Variants in MDGA2 observed in about 807,000 individuals in gnomAD.
MDGA2 encodes MAM domain-containing glycosylphosphatidylinositol anchor protein 2.
A neutral mutation model predicts 117.8 loss-of-function variants in MDGA2; 40 were observed. The ratio of observed to expected loss-of-function variants is 0.34; its 90% CI spans 0.26 to 0.44. The LOEUF is 0.44. MDGA2 is among the 20% of genes least tolerant of loss of function. The pLI, the probability that MDGA2 is intolerant of heterozygous loss-of-function variation, is 1.00. For missense variants in MDGA2, 1,123 were observed against 1,250.6 expected, an observed-to-expected ratio of 0.90 and a Z score of 1.54; for synonymous variants, 452 against 439.0, an observed-to-expected ratio of 1.03 and a Z score of -0.37.
intron 5 of MDGA2, among the ~76,000 whole-genome samples, chr14:47,128,782 C>T (rs1212241727): frequency 6.6e-6 from 1 of 151,492 alleles, no homozygotes; most frequent in Non-Finnish European, 1.5e-5. Context: ...GCAACCTCCA[C>T]CTCCTGAGTT....
At chr14:46,882,373 C>G (rs1339308488) in intron 10 of MDGA2, 152 bp from the exon 11 acceptor site, 2 of 632,312 alleles carry the variant, frequency 3.2e-6, no homozygotes, top group Non-Finnish European at 2.5e-6. Flanking sequence ...TAATGATAAA[C>G]AAATTTTGAG....
intron 14 of MDGA2, among the ~76,000 whole-genome samples, chr14:46,859,130 A>C (rs1056537233): frequency 6.6e-6 from 1 of 152,078 alleles, no homozygotes; most frequent in African/African-American, 2.4e-5. Context: ...GCTGTTTTGG[A>C]GAATGTCTAG....
chr14:46,870,726 T>G (rs1230984274), intron 14 of MDGA2, among the ~76,000 whole-genome samples: 1 of 151,828 alleles, frequency 6.6e-6, no homozygotes, highest in Non-Finnish European at 1.5e-5. Flanking sequence ...TTTTCCCTCA[T>G]CCCAAAATAA....
chr14:47,656,288 T>A (rs1416423486), intron 1 of MDGA2, among the ~76,000 whole-genome samples: 1 of 152,182 alleles, frequency 6.6e-6, no homozygotes, highest in East Asian at 1.9e-4. Flanking sequence ...ACATCTTTCC[T>A]ATTGCACTGC....
intron 1 of MDGA2, among the ~76,000 whole-genome samples, chr14:47,605,110 G>GC (rs770192327): frequency 7.9e-5 from 12 of 151,732 alleles, no homozygotes; most frequent in South Asian, 2.1e-4. Context: ...AGTTTAAAAT[G>GC]CCCTGTGCTA....
In MDGA2 at chr14:47,573,833, T is replaced by C. The variant is rs568514226; in HGVS notation, c.280+100684A>G. On this transcript the variant is annotated intron_variant, in intron 1 of 16. Coordinates refer to ENST00000399232, the MANE Select transcript of MDGA2 (RefSeq NM_001113498.3). ...GCATTTGTTAACCTTATTTTAAAAA[T>C]TAAGAAGTGATTTCATTGTAGAATG... 3.3e-5 allele frequency among the ~76,000 whole-genome samples: 5 copies of C among 152,208 alleles called. No homozygotes were observed. In the East Asian group the frequency reaches 9.7e-4, roughly 29 times the overall value.
In MDGA2 at chr14:47,674,756, C is replaced by CG; in HGVS notation, c.40dup (p.Arg14ProfsTer95). 1.4e-6 allele frequency: 1 copy of CG among 715,186 alleles called. No individual in the cohort carries two copies. Among genetic ancestry groups the CG allele is most frequent in the South Asian group, 1.5e-5 (1 of 66,942 alleles). 44.3% of individuals were successfully genotyped at this position (715,186 alleles called of 1,614,324 possible). On this transcript the variant is annotated frameshift_variant, in exon 1 of 17. Transcript: ENST00000399232. LOFTEE classifies it high-confidence loss of function. ...TCCGTCTGTCCTTCCCCGGCGGCGG[C>CG]GGCGAGCGGAGCGCAGGAGCCCCGC... is the stretch of plus-strand genomic sequence containing the variant.
intron 1 of MDGA2, among the ~76,000 whole-genome samples, chr14:47,465,127 G>A (rs1893573772): frequency 6.6e-6 from 1 of 151,910 alleles, no homozygotes; most frequent in African/African-American, 2.4e-5. Flanking sequence ...AAATGGTGCT[G>A]GGATAACTGG....
intron 8 of MDGA2, among the ~76,000 whole-genome samples, chr14:47,015,411 G>A (rs774905419): frequency 6.7e-5 from 10 of 150,334 alleles, no homozygotes; most frequent in Non-Finnish European, 1.5e-4. Context: ...AGAAGTAAAG[G>A]ACAATAAAAC....
chr14:47,023,300 G>C (rs1286329584), intron 8 of MDGA2, among the ~76,000 whole-genome samples: 2 of 151,832 alleles, frequency 1.3e-5, no homozygotes, highest in East Asian at 3.9e-4. Flanking sequence ...TGTAAAAATA[G>C]TAGGAATCTC....
chr14:47,672,413 T>A (rs189813166), intron 1 of MDGA2, among the ~76,000 whole-genome samples: 1 of 152,324 alleles, frequency 6.6e-6, no homozygotes, highest in African/African-American at 2.4e-5. Flanking sequence ...TTTAATGCAA[T>A]TGTTTCCTAT....
intron 12 of MDGA2, among the ~76,000 whole-genome samples, chr14:46,874,867 A>T (rs556534381): frequency 1.3e-5 from 2 of 151,872 alleles, no homozygotes; most frequent in South Asian, 4.1e-4. Flanking sequence ...GGCCAACACA[A>T]GTTCAGAGAA....
Position 47,102,446 on chromosome 14 carries a change from C to T in MDGA2, c.926-5323G>A, listed in dbSNP as rs117309387. ...TAAATAAATAATAAAACAGAATAAA[C>T]GCCAATTTTAAAATGCTCAGGTAGG... On this transcript the variant is annotated intron_variant, in intron 5 of 16. Transcript: ENST00000399232. 2.1e-3 allele frequency among the ~76,000 whole-genome samples: 321 copies of T among 151,724 alleles called. 5 individuals are homozygous for T. In the East Asian group the frequency reaches 0.044, roughly 21 times the overall value.
At chr14:47,516,801 T>C (rs984940703) in intron 1 of MDGA2, among the ~76,000 whole-genome samples, 3 of 152,218 alleles carry the variant, frequency 2.0e-5, no homozygotes, top group African/African-American at 7.2e-5. Flanking sequence ...ATTTTGCAGA[T>C]ACGCAGGCAG....
intron 8 of MDGA2, among the ~76,000 whole-genome samples, chr14:47,030,387 G>C (rs1041787809): frequency 5.3e-5 from 8 of 151,802 alleles, no homozygotes; most frequent in African/African-American, 1.5e-4. Context: ...GGTGGCACAT[G>C]CCTGTAATCC....
intron 1 of MDGA2, among the ~76,000 whole-genome samples, chr14:47,633,988 T>C (rs72673206): frequency 0.17 from 25,554 of 152,154 alleles, 2,240 homozygotes; most frequent in East Asian, 0.25. Context: ...TTTCCTAGGA[T>C]GAAGTACAGA....
intron 1 of MDGA2, among the ~76,000 whole-genome samples, chr14:47,628,697 T>G (rs1897197009): frequency 6.6e-6 from 1 of 152,212 alleles, no homozygotes; most frequent in South Asian, 2.1e-4. Flanking sequence ...GACTTACATC[T>G]CAAGGGGAAA....
intron 1 of MDGA2, among the ~76,000 whole-genome samples, chr14:47,668,526 C>T (rs1366937864): frequency 6.6e-6 from 1 of 151,798 alleles, no homozygotes; most frequent in Non-Finnish European, 1.5e-5. Flanking sequence ...TTTACAGGGC[C>T]AAAAGATTAT....
chr14:46,840,036 A>G (rs1207697111), downstream of MDGA2: 1 of 152,378 alleles, frequency 6.6e-6, no homozygotes, highest in African/African-American at 2.4e-5. Context: ...TTGTATAACT[A>G]ATTTCATTTT....
Sources: gnomAD v4.1 joint callset for allele counts (sites outside exome capture counted in the v4.1 genomes callset) on GRCh38, gnomAD v4.1.1 for gene constraint, MANE v1.5 for transcripts, NCBI Gene and HGNC (gene_info 2026-07-23, HGNC 2026-07-21) for gene names.